The following PTPRM variants were observed in gnomAD, a reference collection of about 807,000 sequenced individuals.
PTPRM encodes the protein receptor-type tyrosine-protein phosphatase mu.
In PTPRM, 47 loss-of-function variants were observed where a neutral mutation model predicts 186.7. The observed-to-expected ratio is 0.25, with a 90% CI of 0.20 to 0.32. The LOEUF is 0.32. Among genes scored for constraint, PTPRM ranks in the 10% least tolerant of loss-of-function variants. The probability of loss-of-function intolerance (pLI) is 1.00; values close to 1 mark genes in which losing one functional copy is unlikely to be tolerated. For synonymous variants in PTPRM, 668 were observed against 674.9 expected, an observed-to-expected ratio of 0.99 and a Z score of 0.16; for missense variants, 1,494 against 1,865.0, an observed-to-expected ratio of 0.80 and a Z score of 3.66.
At chr18:8,240,480 G>A (rs866824012) in intron 14 of PTPRM, among the ~76,000 whole-genome samples, 51 of 28,442 alleles carry the variant, frequency 1.8e-3, no homozygotes, top group African/African-American at 3.0e-3. Flanking sequence ...GGAGGGAGGG[G>A]AGGAGAGAGA....
chr18:7,603,588 C>T (rs2037459322), intron 1 of PTPRM, among the ~76,000 whole-genome samples: 1 of 152,250 alleles, frequency 6.6e-6, no homozygotes, highest in Non-Finnish European at 1.5e-5. Flanking sequence ...CTCTCTCCTT[C>T]TCTGCTTTGC....
At chr18:7,964,838 G>A (rs1011517126) in intron 7 of PTPRM, among the ~76,000 whole-genome samples, 1 of 151,834 alleles carries the variant, frequency 6.6e-6, no homozygotes, top group African/African-American at 2.4e-5. Flanking sequence ...TTAAGGTGTG[G>A]TCGGGATAGA....
intron 5 of PTPRM, among the ~76,000 whole-genome samples, chr18:7,940,306 C>T (rs1458732588): frequency 6.6e-6 from 1 of 152,098 alleles, no homozygotes; most frequent in Non-Finnish European, 1.5e-5. Context: ...CTTCATGGGA[C>T]TTGTATTCTA....
At chr18:7,838,470 C>T (rs577521768) in intron 2 of PTPRM, among the ~76,000 whole-genome samples, 1 of 152,322 alleles carries the variant, frequency 6.6e-6, no homozygotes, top group African/African-American at 2.4e-5. Context: ...CTCTGGATTA[C>T]CAGGTAGAGA....
chr18:7,667,204 A>G (rs1568016389), intron 1 of PTPRM, among the ~76,000 whole-genome samples: 1 of 152,226 alleles, frequency 6.6e-6, no homozygotes, highest in Non-Finnish European at 1.5e-5. Context: ...TAATTAGATT[A>G]CCATTTTATG....
intron 14 of PTPRM, among the ~76,000 whole-genome samples, chr18:8,243,120 T>G (rs79154697): frequency 0.14 from 21,944 of 152,230 alleles, 1,677 homozygotes; most frequent in African/African-American, 0.18. Flanking sequence ...AAATTTGTGT[T>G]ACCTGTTTAT....
rs1421253724 is a variant in PTPRM, at chr18:7,668,082, TATG to T, written c.73+100192_73+100194del. 1.3e-5 allele frequency among the ~76,000 whole-genome samples: 2 copies of T among 152,214 alleles called. No homozygotes were observed. The highest frequency in any genetic ancestry group is 6.5e-5 in the Admixed American group (1 of 15,282). On this transcript the variant is annotated intron_variant, in intron 1 of 32. Transcript: ENST00000580170. This position sits in a 1 kb window ranked among gnomAD's most constrained non-coding sequence, Gnocchi z 4.7. ...CATAGTGTCCCCCGTTTTTTATTTT[TATG>T]GTGGTGGTTGTAATGTATTTGCTTT... is the stretch of plus-strand genomic sequence containing the variant.
intron 2 of PTPRM, among the ~76,000 whole-genome samples, chr18:7,876,457 C>G (rs1268047573): frequency 6.6e-6 from 1 of 152,170 alleles, no homozygotes; most frequent in African/African-American, 2.4e-5. Context: ...TAAAACAACA[C>G]TCATAGCTGA....
intron 1 of PTPRM, among the ~76,000 whole-genome samples, chr18:7,772,371 CTT>C (rs1409756247): frequency 1.9e-5 from 2 of 107,958 alleles, no homozygotes; most frequent in African/African-American, 3.6e-5. Context: ...TTCTTTCTTT[CTT>C]TCTTTCTTTC....
intron 13 of PTPRM, chr18:8,122,403 G>T (rs893079555): frequency 7.2e-5 from 11 of 152,368 alleles, no homozygotes; most frequent in Admixed American, 2.0e-4. Context: ...TTCCTCCTTT[G>T]CTTAAGGCCT....
chr18:7,908,547 T>G (rs2050111099), intron 4 of PTPRM, among the ~76,000 whole-genome samples: 1 of 152,208 alleles, frequency 6.6e-6, no homozygotes, highest in Non-Finnish European at 1.5e-5. Flanking sequence ...TAATTCCATC[T>G]AAAGGGGTTT....
intron 1 of PTPRM, among the ~76,000 whole-genome samples, chr18:7,718,882 A>C (rs561440688): frequency 6.6e-6 from 1 of 152,332 alleles, no homozygotes; most frequent in Admixed American, 6.5e-5. Flanking sequence ...CATAATTTAA[A>C]AAATTAAAAA....
chr18:8,113,595 A>G lies in PTPRM; in HGVS notation c.1966A>G (p.Asn656Asp), dbSNP rs779143803. ...TCACTTCCAGAATGCTTCTCTGCTG[A>G]ACTCACAGTACTACTTTGCTGCAGA... ...PIHFQNASLLNSQYYFAAEFP... is the reference protein window; with the variant it reads ...PIHFQNASLLDSQYYFAAEFP... Residue 656 changes from asparagine (N) to aspartate (D), a missense_variant, in exon 12 of 33, where the codon AAC (asparagine) becomes GAC (aspartate). Physicochemically the swap from Asn to Asp is conservative, Grantham distance 23. Transcript: ENST00000580170. The G allele has an allele frequency of 9.3e-6, 15 of 1,614,056 alleles. No homozygotes were observed. In the African/African-American group the frequency reaches 2.0e-4, roughly 22 times the overall value.
At chr18:7,674,362 T>C (rs983611793) in intron 1 of PTPRM, among the ~76,000 whole-genome samples, 5 of 152,150 alleles carry the variant, frequency 3.3e-5, no homozygotes, top group African/African-American at 1.2e-4. Flanking sequence ...GAGGAAGTGA[T>C]GGAAGTACTT....
intron 2 of PTPRM, among the ~76,000 whole-genome samples, chr18:7,783,232 A>G (rs1430930659): frequency 1.3e-5 from 2 of 152,056 alleles, no homozygotes; most frequent in Non-Finnish European, 2.9e-5. Flanking sequence ...TGGTTATGCT[A>G]CCTTTCCTGA....
intron 31 of PTPRM, among the ~76,000 whole-genome samples, chr18:8,389,756 G>C (rs888318499): frequency 2.0e-5 from 3 of 152,106 alleles, no homozygotes; most frequent in Admixed American, 2.0e-4. Context: ...CCCAGTACTG[G>C]CCAGGAAAGA....
intron 1 of PTPRM, among the ~76,000 whole-genome samples, chr18:7,672,904 A>G (rs2039251840): frequency 6.6e-6 from 1 of 152,220 alleles, no homozygotes; most frequent in Non-Finnish European, 1.5e-5. Context: ...ACCTGCGTGC[A>G]CACCTAGGCC....
intron 2 of PTPRM, among the ~76,000 whole-genome samples, chr18:7,794,690 A>G (rs1205912893): frequency 1.3e-5 from 2 of 152,216 alleles, no homozygotes; most frequent in Non-Finnish European, 2.9e-5. Context: ...TTTTTAGTGT[A>G]CTTTTTAGAT....
intron 19 of PTPRM, among the ~76,000 whole-genome samples, chr18:8,279,598 G>A (rs2147722073): frequency 6.6e-6 from 1 of 152,262 alleles, no homozygotes; most frequent in South Asian, 2.1e-4. Flanking sequence ...CATATCACAG[G>A]TCCGTAGTCG....
Sources: allele counts gnomAD v4.1 joint callset (sites outside exome capture counted in the v4.1 genomes callset), GRCh38; gene constraint gnomAD v4.1.1; non-coding constraint Gnocchi (gnomAD v3.1); transcripts MANE v1.5; gene names NCBI Gene and HGNC (gene_info 2026-07-23, HGNC 2026-07-21).